Variants in B3GALT1 observed in about 807,000 individuals in gnomAD.
The protein encoded by B3GALT1 is beta-1,3-galactosyltransferase 1.
B3GALT1 carries 10 observed loss-of-function variants against 23.2 expected under a neutral mutation model. The observed-to-expected ratio is 0.43, with a 90% confidence interval of 0.27 to 0.73. The LOEUF (loss-of-function observed/expected upper bound fraction) is 0.73. Ranked by LOEUF, B3GALT1 falls within the 30% of genes least tolerant of loss-of-function variation. The pLI, the probability that B3GALT1 is intolerant of heterozygous loss-of-function variation, is 0.21. For synonymous variants in B3GALT1, 156 were observed against 141.5 expected, an observed-to-expected ratio of 1.10 and a Z score of -0.73; for missense variants, 299 against 405.4, an observed-to-expected ratio of 0.74 and a Z score of 2.25.
chr2:167,817,751 C>G (rs1689023503), intron 3 of B3GALT1, among the ~76,000 whole-genome samples: 1 of 151,988 alleles, frequency 6.6e-6, no homozygotes, highest in African/African-American at 2.4e-5. Flanking sequence ...AGAACTTACT[C>G]TATGATATAC....
intron 1 of B3GALT1, among the ~76,000 whole-genome samples, chr2:167,426,564 A>G (rs1448711915): frequency 6.6e-6 from 1 of 152,154 alleles, no homozygotes; most frequent in African/African-American, 2.4e-5. Context: ...GCCATTACCA[A>G]TTTATAATGG....
chr2:167,378,493 A>G (rs912176211), intron 1 of B3GALT1, among the ~76,000 whole-genome samples: 5 of 151,760 alleles, frequency 3.3e-5, no homozygotes, highest in Admixed American at 2.6e-4. Context: ...ATAATACCAT[A>G]TTTCTTAAAG....
chr2:167,752,147 GGAAATTGCAGCATTTTCAAGGT>G (rs1036148140), intron 3 of B3GALT1, among the ~76,000 whole-genome samples: 1 of 151,754 alleles, frequency 6.6e-6, no homozygotes, highest in African/African-American at 2.4e-5. Flanking sequence ...AATTTAACTT[GGAAATTGCAGCATTTTCAAGGT>G]GAAAAGTGGA....
chr2:167,593,642 T>C (rs1255723125), intron 2 of B3GALT1, among the ~76,000 whole-genome samples: 1 of 152,158 alleles, frequency 6.6e-6, no homozygotes, highest in Admixed American at 6.5e-5. Flanking sequence ...ATTACTGAGA[T>C]AATATGGTAG....
At chr2:167,713,891 G>T in intron 3 of B3GALT1, 1 of 1,583,774 alleles carries the variant, frequency 6.3e-7, no homozygotes. Context: ...TCCAAACATG[G>T]TTCCTGGAGG....
chr2:167,466,773 T>C (rs1466397985), intron 1 of B3GALT1, among the ~76,000 whole-genome samples: 32 of 105,306 alleles, frequency 3.0e-4, no homozygotes, highest in Non-Finnish European at 3.1e-4. Context: ...AGTGCAGTGG[T>C]GTGATCTTGG....
chr2:167,649,581 TAAC>T (rs564568741), intron 3 of B3GALT1, among the ~76,000 whole-genome samples: 30 of 152,258 alleles, frequency 2.0e-4, no homozygotes, highest in Non-Finnish European at 3.5e-4. Flanking sequence ...CTCTTTTACT[TAAC>T]ATCATGTTTT....
intron 3 of B3GALT1, among the ~76,000 whole-genome samples, chr2:167,682,284 A>G (rs1686544584): frequency 6.6e-6 from 1 of 152,234 alleles, no homozygotes; most frequent in South Asian, 2.1e-4. Flanking sequence ...TAAGATAATG[A>G]CCTTTCAACG....
chr2:167,868,672 GT>G (rs1186702590), intron 4 of B3GALT1, among the ~76,000 whole-genome samples, 138 bp from the exon 5 acceptor site: 5 of 152,156 alleles, frequency 3.3e-5, no homozygotes, highest in African/African-American at 1.2e-4. Context: ...ATGACAGGAA[GT>G]TTTTGGTACT....
intron 3 of B3GALT1, among the ~76,000 whole-genome samples, chr2:167,731,761 TC>T (rs1305170785): frequency 6.6e-6 from 1 of 152,186 alleles, no homozygotes; most frequent in African/African-American, 2.4e-5. Context: ...TGTTTCCTGT[TC>T]CACCGTCTTT....
At chr2:167,328,636 C>A (rs1246715314) in intron 1 of B3GALT1, among the ~76,000 whole-genome samples, 1 of 151,726 alleles carries the variant, frequency 6.6e-6, no homozygotes, top group East Asian at 1.9e-4. Flanking sequence ...TTAATTTTAT[C>A]TTTTTGAAGA....
At chr2:167,579,760 C>G (rs1432362061) in intron 2 of B3GALT1, among the ~76,000 whole-genome samples, 1 of 151,976 alleles carries the variant, frequency 6.6e-6, no homozygotes, top group African/African-American at 2.4e-5. Flanking sequence ...AATTGTTGCT[C>G]TTTTTTTGTC....
chr2:167,760,876 A>C (rs1054489130), intron 3 of B3GALT1, among the ~76,000 whole-genome samples: 1 of 152,218 alleles, frequency 6.6e-6, no homozygotes, highest in African/African-American at 2.4e-5. Context: ...GATGTCACCC[A>C]TATCTTTGGC....
intron 3 of B3GALT1, among the ~76,000 whole-genome samples, chr2:167,741,357 G>A (rs775174357): frequency 5.9e-5 from 9 of 152,112 alleles, no homozygotes; most frequent in Non-Finnish European, 8.8e-5. Context: ...CATCTACTAA[G>A]TGCTAAACTT....
chr2:167,376,915 C>T (rs1013115455), intron 1 of B3GALT1, among the ~76,000 whole-genome samples: 1 of 151,914 alleles, frequency 6.6e-6, no homozygotes, highest in African/African-American at 2.4e-5. Flanking sequence ...TTTGTAGTCC[C>T]TCTAGATGTG....
chr2:167,630,218 G>T (rs1460754528), intron 2 of B3GALT1, among the ~76,000 whole-genome samples: 1 of 151,684 alleles, frequency 6.6e-6, no homozygotes, highest in Non-Finnish European at 1.5e-5. Flanking sequence ...TAGGCATATT[G>T]GTTAGTTATG....
intron 3 of B3GALT1, among the ~76,000 whole-genome samples, chr2:167,719,515 T>C (rs79053665): frequency 0.051 from 7,758 of 152,330 alleles, 948 homozygotes; most frequent in East Asian, 0.31. Flanking sequence ...TCTGTTATAA[T>C]AGAATCCTAG....
At chr2:167,565,100 C>T (rs1471173549) in intron 2 of B3GALT1, among the ~76,000 whole-genome samples, 1 of 152,170 alleles carries the variant, frequency 6.6e-6, no homozygotes, top group Non-Finnish European at 1.5e-5. Context: ...TACCTGACTT[C>T]AAACCATACT....
intron 2 of B3GALT1, among the ~76,000 whole-genome samples, chr2:167,561,210 T>A (rs1213273851): frequency 6.6e-6 from 1 of 152,024 alleles, no homozygotes; most frequent in Non-Finnish European, 1.5e-5. Flanking sequence ...GACTATTGGG[T>A]ACATAACAAA....
Sources: allele counts gnomAD v4.1 joint callset (sites outside exome capture counted in the v4.1 genomes callset), GRCh38; gene constraint gnomAD v4.1.1; transcripts MANE v1.5; gene names NCBI Gene and HGNC (gene_info 2026-07-23, HGNC 2026-07-21).